Variants in STK26 observed in about 807,000 individuals in gnomAD.
STK26 encodes the protein serine/threonine-protein kinase 26.
STK26 carries 14 observed loss-of-function variants against 34.7 expected under a neutral mutation model. That is an observed-to-expected ratio of 0.40 (90% CI 0.27 to 0.63). The LOEUF (loss-of-function observed/expected upper bound fraction) is 0.63, where lower values mean the gene tolerates loss of function less well. STK26 is among the 30% of genes least tolerant of loss of function. The pLI, the probability that STK26 is intolerant of heterozygous loss-of-function variation, is 0.38. For synonymous variants in STK26, 100 were observed against 109.8 expected (o/e 0.91, Z 0.56); for missense variants, 226 against 309.1 (o/e 0.73, Z 2.02).
At chrX:132,052,109 C>A (rs923091615) in intron 2 of STK26, among the ~76,000 whole-genome samples, 2 of 110,497 alleles carry the variant, frequency 1.8e-5, no homozygotes, top group African/African-American at 6.6e-5. Flanking sequence ...ATTAGGCAAA[C>A]TAGATTCTTT....
At chrX:132,068,684 A>G in intron 6 of STK26, 115 bp downstream of exon 6, 2 of 807,171 alleles carry the variant, frequency 2.5e-6, no homozygotes, top group East Asian at 6.6e-5. Context: ...TTCTTAAGCT[A>G]GAGTTATGTC....
intron 2 of STK26, among the ~76,000 whole-genome samples, chrX:132,050,390 A>G (rs1926645664): frequency 8.9e-6 from 1 of 112,054 alleles, no homozygotes; most frequent in African/African-American, 3.2e-5. Context: ...TTGTGTTTTG[A>G]CAAACATTAT....
In STK26 at chrX:132,034,292, C is replaced by CTTTTT. The variant is rs561602079; in HGVS notation, c.42+10661_42+10665dup. On this transcript the variant is annotated intron_variant, in intron 2 of 11. Transcript: ENST00000394334. Reference sequence around the variant, plus strand: ...TGAATGCCAGAATGAGACATTTATTCTTTTTTTTTTTTTTTTTTTTTTTTT... The same window carrying CTTTTT: ...TGAATGCCAGAATGAGACATTTATTCTTTTTTTTTTTTTTTTTTTTTTTTTTTTTT... Among the ~76,000 whole-genome samples the CTTTTT allele has an allele frequency of 9.1e-3, 375 of 41,351 alleles. 67 individuals carry two copies. The highest frequency in any genetic ancestry group is 0.017 in the Admixed American group (32 of 1,908). The allele number at this position is 41,351 out of a possible 115,157, so 35.9% of individuals were successfully genotyped here.
chrX:132,070,446 G>A (rs1430538568), intron 7 of STK26, among the ~76,000 whole-genome samples: 1 of 112,412 alleles, frequency 8.9e-6, no homozygotes, highest in Non-Finnish European at 1.9e-5. Context: ...TTGTTTTACT[G>A]TTGTTGAAAT....
rs1927124109 is a variant in STK26 at position 132,063,499 on chromosome X, T to G, written c.330+10T>G. On this transcript the variant is annotated intron_variant, in intron 4 of 11. Transcript: ENST00000394334. ...TTCAGCACTGGATCTTGTAAGTATT[T>G]TAAAATAGTTACACACAGATGCAAA... 1 of 1,196,690 alleles carries G rather than the reference T, an allele frequency of 8.4e-7. No individual in the cohort carries two copies. Among genetic ancestry groups the G allele is most frequent in the African/African-American group, 1.8e-5 (1 of 57,064 alleles).
chrX:132,038,308 G>A (rs1926135327), intron 2 of STK26, among the ~76,000 whole-genome samples: 1 of 111,754 alleles, frequency 8.9e-6, no homozygotes, highest in Admixed American at 9.5e-5. Flanking sequence ...GGAAATTGGG[G>A]AGGTAATAGT....
At chrX:132,047,971 ATGT>A (rs1248819357) in intron 2 of STK26, among the ~76,000 whole-genome samples, 1 of 111,553 alleles carries the variant, frequency 9.0e-6, no homozygotes, top group Non-Finnish European at 1.9e-5. Context: ...AGGATCATCC[ATGT>A]TGTTGCAAAT....
At chrX:132,033,698 A>G (rs1925925442) in intron 2 of STK26, among the ~76,000 whole-genome samples, 1 of 111,934 alleles carries the variant, frequency 8.9e-6, no homozygotes, top group Admixed American at 9.5e-5. Context: ...TTAAGCCAGA[A>G]AATTATTAGC....
chrX:132,034,292 C>CTT (rs561602079), intron 2 of STK26, among the ~76,000 whole-genome samples: 5,183 of 41,154 alleles, frequency 0.13, 1,443 homozygotes, highest in Admixed American at 0.18. Flanking sequence ...GACATTTATT[C>CTT]TTTTTTTTTT....
At chrX:132,038,406 GTC>G (rs1400881748) in intron 2 of STK26, among the ~76,000 whole-genome samples, 3 of 111,451 alleles carry the variant, frequency 2.7e-5, no homozygotes, top group Admixed American at 9.5e-5. Flanking sequence ...TGTCTAAAGA[GTC>G]TTTTTCGTTG....
chrX:132,053,288 C>G (rs1926749284), intron 2 of STK26, among the ~76,000 whole-genome samples: 1 of 111,296 alleles, frequency 9.0e-6, no homozygotes, highest in African/African-American at 3.3e-5. Context: ...AAAATCCAAT[C>G]AGAGAGAATG....
chrX:132,052,408 A>G (rs1303346183), intron 2 of STK26, among the ~76,000 whole-genome samples: 2 of 111,726 alleles, frequency 1.8e-5, no homozygotes, highest in African/African-American at 6.5e-5. Context: ...TTGTAGGAGC[A>G]TTGTTAGATG....
At chrX:132,072,128 G>A in intron 8 of STK26, 140 bp from the exon 9 acceptor site, 1 of 484,463 alleles carries the variant, frequency 2.1e-6, no homozygotes, top group South Asian at 3.2e-5. Context: ...GCCTGAAGCT[G>A]AGATCAGATG....
chrX:132,039,053 A>C (rs963991651), intron 2 of STK26, among the ~76,000 whole-genome samples: 5 of 111,072 alleles, frequency 4.5e-5, no homozygotes, highest in African/African-American at 1.6e-4. Flanking sequence ...GTTTTCTGCC[A>C]CTGTTTTCTC....
rs138962095 is a variant in STK26 at position 132,073,345 on chromosome X, A to G, written c.1226+252A>G. 5.7e-3 allele frequency among the ~76,000 whole-genome samples: 636 copies of G among 112,123 alleles called. 5 individuals are homozygous for G. Among genetic ancestry groups the G allele is most frequent in the African/African-American group, 0.019 (579 of 30,864 alleles). ...AATGACCTGTTTTTCTTTCTCCACT[A>G]GTAGGATTATAGACAAAAGGTCACT... On this transcript the variant is annotated intron_variant, in intron 11 of 11. Coordinates refer to ENST00000394334, the MANE Select transcript of STK26 (RefSeq NM_016542.4).
chrX:132,038,376 A>G (rs916750896), intron 2 of STK26, among the ~76,000 whole-genome samples: 1 of 111,619 alleles, frequency 9.0e-6, no homozygotes, highest in South Asian at 3.7e-4. Context: ...TTACATAATT[A>G]ATTTGCTATG....
At chrX:132,028,469 C>A (rs774845785) in intron 2 of STK26, among the ~76,000 whole-genome samples, 23 of 110,921 alleles carry the variant, frequency 2.1e-4, no homozygotes, top group African/African-American at 7.2e-4. Context: ...GTACATATGT[C>A]CAATAAGTAG....
intron 2 of STK26, 117 bp downstream of exon 2, chrX:132,023,776 G>C: frequency 1.1e-6 from 1 of 877,070 alleles, no homozygotes; most frequent in Non-Finnish European, 1.6e-6. Flanking sequence ...GGGCAGGGCC[G>C]GTCACTATGG....
intron 2 of STK26, among the ~76,000 whole-genome samples, chrX:132,050,972 A>C (rs1038758573): frequency 8.9e-6 from 1 of 111,911 alleles, no homozygotes; most frequent in Non-Finnish European, 1.9e-5. Flanking sequence ...CAGTCTCAGT[A>C]GGCTGAATCA....
Sources: gnomAD v4.1 joint callset for allele counts (sites outside exome capture counted in the v4.1 genomes callset) on GRCh38, gnomAD v4.1.1 for gene constraint, MANE v1.5 for transcripts, NCBI Gene and HGNC (gene_info 2026-07-23, HGNC 2026-07-21) for gene names.